Variants in RALYL observed in about 807,000 individuals in gnomAD.
RALYL encodes RNA-binding Raly-like protein.
RALYL carries 29 observed loss-of-function variants against 35.1 expected under a neutral mutation model. The observed-to-expected ratio is 0.83, with a 90% CI of 0.61 to 1.13. The LOEUF is 1.13. Ranked by LOEUF, RALYL falls within the 50% of genes most tolerant of loss-of-function variation. The pLI, the probability that RALYL is intolerant of heterozygous loss-of-function variation, is 0.00. For missense variants in RALYL, 359 were observed against 360.4 expected, an observed-to-expected ratio of 1.00 and a Z score of 0.03; for synonymous variants, 120 against 127.6, an observed-to-expected ratio of 0.94 and a Z score of 0.40.
At chr8:84,365,704 A>G (rs1201611766) in intron 1 of RALYL, among the ~76,000 whole-genome samples, 2 of 152,204 alleles carry the variant, frequency 1.3e-5, no homozygotes, top group Non-Finnish European at 1.5e-5. Context: ...TATCATATTA[A>G]TCAAGGTTCT....
chr8:84,278,451 T>G (rs889048112), intron 1 of RALYL, among the ~76,000 whole-genome samples: 10 of 152,238 alleles, frequency 6.6e-5, no homozygotes, highest in Admixed American at 6.5e-4. Flanking sequence ...ATCTTGGTGC[T>G]TAACATTTGG....
At chr8:84,831,265 A>C (rs1275044205) in intron 4 of RALYL, among the ~76,000 whole-genome samples, 1 of 152,226 alleles carries the variant, frequency 6.6e-6, no homozygotes, top group Non-Finnish European at 1.5e-5. Flanking sequence ...GACTAACTTT[A>C]AGACAAAAGG....
intron 1 of RALYL, among the ~76,000 whole-genome samples, chr8:84,431,666 T>C (rs556098315): frequency 6.6e-6 from 1 of 152,298 alleles, no homozygotes; most frequent in South Asian, 2.1e-4. Context: ...CTTTCTGTCC[T>C]GGATGAACTC....
At chr8:84,462,346 T>C (rs2050900652) in intron 1 of RALYL, among the ~76,000 whole-genome samples, 1 of 151,604 alleles carries the variant, frequency 6.6e-6, no homozygotes, top group Admixed American at 6.6e-5. Context: ...CAGTCTCTTT[T>C]CGGATATGTC....
At chr8:84,220,263 AT>A in intron 1 of RALYL, among the ~76,000 whole-genome samples, 1 of 152,142 alleles carries the variant, frequency 6.6e-6, no homozygotes, top group South Asian at 2.1e-4. Flanking sequence ...TATTTGTACT[AT>A]TTTTATATAT....
At chr8:84,476,733 T>C (rs2053467326) in intron 1 of RALYL, among the ~76,000 whole-genome samples, 1 of 152,222 alleles carries the variant, frequency 6.6e-6, no homozygotes, top group African/African-American at 2.4e-5. Context: ...CCCAGGCTTC[T>C]GATGTGTTAA....
chr8:84,524,570 A>G (rs1255570508), intron 1 of RALYL, among the ~76,000 whole-genome samples: 5 of 152,218 alleles, frequency 3.3e-5, no homozygotes, highest in Non-Finnish European at 7.3e-5. Flanking sequence ...CCACTAAATC[A>G]GCAGAATGGT....
At chr8:84,827,059 T>A (rs1482305077) in intron 4 of RALYL, among the ~76,000 whole-genome samples, 3 of 151,842 alleles carry the variant, frequency 2.0e-5, no homozygotes, top group Admixed American at 6.6e-5. Flanking sequence ...ACAAGAAAAA[T>A]CTTCTTAGAA....
rs534694004 is a variant in RALYL at position 84,310,832 on chromosome 8, G to T, written c.-24+126408G>T. On this transcript the variant is annotated intron_variant, in intron 1 of 8. Coordinates refer to ENST00000521268, the MANE Select transcript of RALYL (RefSeq NM_173848.7). ...GGAGGCCGAGGCGGGTGGATCATGA[G>T]GTCAGGAGATCGAGACCGTCCTGGC... Among the ~76,000 whole-genome samples, 1,332 of 137,966 alleles carry T rather than the reference G, an allele frequency of 9.7e-3. 43 individuals are homozygous for T. Among genetic ancestry groups the T allele is most frequent in the Non-Finnish European group, 0.014 (911 of 63,886 alleles). The allele number at this position is 137,966 out of a possible 152,430, so 90.5% of individuals were successfully genotyped here.
chr8:84,727,641 G>A (rs887335340), intron 2 of RALYL, among the ~76,000 whole-genome samples: 4 of 100,270 alleles, frequency 4.0e-5, no homozygotes, highest in African/African-American at 1.6e-4. Flanking sequence ...CCCCACAACA[G>A]TCCCCAGAGT....
chr8:84,777,518 G>C (rs986265896), intron 3 of RALYL, among the ~76,000 whole-genome samples: 50 of 152,206 alleles, frequency 3.3e-4, no homozygotes, highest in Non-Finnish European at 7.3e-5. Context: ...TTCCTGAGAG[G>C]ATAGAGTTGC....
intron 1 of RALYL, among the ~76,000 whole-genome samples, chr8:84,468,495 G>T (rs1028846330): frequency 6.7e-6 from 1 of 149,842 alleles, no homozygotes; most frequent in African/African-American, 2.4e-5. Context: ...GGCTTGTAGG[G>T]TTTCTGCCGA....
At chr8:84,452,042 C>T (rs1453591437) in intron 1 of RALYL, among the ~76,000 whole-genome samples, 1 of 151,946 alleles carries the variant, frequency 6.6e-6, no homozygotes, top group East Asian at 1.9e-4. Context: ...AACAGTCTTA[C>T]TGGAAATATG....
intron 1 of RALYL, among the ~76,000 whole-genome samples, chr8:84,518,810 C>G (rs945240413): frequency 6.6e-6 from 1 of 152,086 alleles, no homozygotes; most frequent in South Asian, 2.1e-4. Flanking sequence ...AATCACTTAG[C>G]GATCTTAACT....
intron 2 of RALYL, among the ~76,000 whole-genome samples, chr8:84,647,315 A>T (rs757443837): frequency 1.4e-4 from 22 of 152,200 alleles, no homozygotes; most frequent in Non-Finnish European, 2.9e-4. Context: ...ATGTTTGCGG[A>T]ACAGAAATGA....
intron 5 of RALYL, among the ~76,000 whole-genome samples, chr8:84,857,327 C>T (rs1012439271): frequency 2.6e-5 from 4 of 152,020 alleles, no homozygotes; most frequent in Non-Finnish European, 5.9e-5. Context: ...CTAGGGAAGA[C>T]CAAATATTTT....
intron 4 of RALYL, among the ~76,000 whole-genome samples, chr8:84,842,181 TG>T (rs1833550341): frequency 6.6e-6 from 1 of 152,156 alleles, no homozygotes; most frequent in African/African-American, 2.4e-5. Context: ...ATCCAGGAGC[TG>T]GTTTTTTGAA....
chr8:84,264,324 G>T (rs544093498), intron 1 of RALYL, among the ~76,000 whole-genome samples: 1 of 152,226 alleles, frequency 6.6e-6, no homozygotes, highest in South Asian at 2.1e-4. Context: ...GTGTGAGATG[G>T]TGTCTCATTG....
At chr8:84,479,185 A>G (rs1470268625) in intron 1 of RALYL, among the ~76,000 whole-genome samples, 2 of 148,488 alleles carry the variant, frequency 1.3e-5, no homozygotes, top group Non-Finnish European at 3.0e-5. Flanking sequence ...ACTTTTGTAG[A>G]TAATCCTTTT....
Sources: allele counts gnomAD v4.1 joint callset (sites outside exome capture counted in the v4.1 genomes callset), GRCh38; gene constraint gnomAD v4.1.1; transcripts MANE v1.5; gene names NCBI Gene and HGNC (gene_info 2026-07-23, HGNC 2026-07-21).